SH3GL1: variants seen among roughly 807,000 people sequenced by gnomAD.
The protein encoded by SH3GL1 is SH3 domain containing GRB2 like 1, endophilin A2.
A neutral mutation model predicts 48.8 loss-of-function variants in SH3GL1; 21 were observed. The ratio of observed to expected loss-of-function variants is 0.43; its 90% CI spans 0.30 to 0.62. SH3GL1 has a LOEUF of 0.62. Among genes scored for constraint, SH3GL1 ranks in the 20% least tolerant of loss-of-function variants. The pLI is 0.11. For synonymous variants in SH3GL1, 282 were observed against 217.5 expected (o/e 1.30, Z -2.61); for missense variants, 454 against 503.0 (o/e 0.90, Z 0.93).
intron 1 of SH3GL1, among the ~76,000 whole-genome samples, chr19:4,375,990 A>G (rs1478668143): frequency 6.6e-6 from 1 of 152,192 alleles, no homozygotes; most frequent in Non-Finnish European, 1.5e-5. Flanking sequence ...CAGCTCCTCA[A>G]AAGGAGCTGA....
rs753740716 is a variant in SH3GL1 at position 4,361,233 on chromosome 19, T to A, written c.*367A>T. 2.8e-5 allele frequency: 9 copies of A among 323,664 alleles called. No individual in the cohort carries two copies. In the Admixed American group the frequency reaches 4.2e-4, roughly 15 times the overall value. 20.0% of individuals were successfully genotyped at this position (323,664 alleles called of 1,614,324 possible). On this transcript the variant is annotated 3_prime_UTR_variant, in exon 10 of 10. Coordinates refer to ENST00000269886, the MANE Select transcript of SH3GL1 (RefSeq NM_003025.4). ...GGCAGTGGGCCGGGCCCCCGTCGGG[T>A]CAGGACGGAGGTGGGGGCTGCCCCA...
rs1416371133 is a variant in SH3GL1, at chr19:4,389,013, G to A, written c.45+11311C>T. Among the ~76,000 whole-genome samples, 1 of 152,188 alleles carries A rather than the reference G, an allele frequency of 6.6e-6. No homozygotes were observed. The highest frequency in any genetic ancestry group is 1.5e-5 in the Non-Finnish European group (1 of 68,034). On this transcript the variant is annotated intron_variant, in intron 1 of 9. Coordinates refer to ENST00000269886, the MANE Select transcript of SH3GL1 (RefSeq NM_003025.4). The surrounding 1 kb of genome is among the most constrained non-coding windows in gnomAD (Gnocchi z 4.5). ...ACCTGCCTCCCTGGTGCTGTGACAC[G>A]GCCTGGTCAGATGCCTGGCCAGCGG...
Position 4,397,724 on chromosome 19 carries a change from T to C in SH3GL1, c.45+2600A>G, listed in dbSNP as rs184460571. On this transcript the variant is annotated intron_variant, in intron 1 of 9. Coordinates refer to ENST00000269886, the MANE Select transcript of SH3GL1 (RefSeq NM_003025.4). Reference sequence around the variant, plus strand: ...AAGTGCTGGGGCAAGGGGGTGGGACTGTTCTCAGTGACAACTCTAAAATTC... The same window carrying C: ...AAGTGCTGGGGCAAGGGGGTGGGACCGTTCTCAGTGACAACTCTAAAATTC... Among the ~76,000 whole-genome samples the C allele has an allele frequency of 1.5e-4, 23 of 152,272 alleles. No individual in the cohort carries two copies. In the East Asian group the frequency reaches 2.3e-3, roughly 15 times the overall value.
At chr19:4,365,419 C>T in intron 4 of SH3GL1, 63 bp downstream of exon 4, 7 of 1,605,564 alleles carry the variant, frequency 4.4e-6, no homozygotes, top group Non-Finnish European at 6.0e-6. Flanking sequence ...TGGACCTGCC[C>T]TGCCTGTGTT....
intron 2 of SH3GL1, 37 bp downstream of exon 2, chr19:4,366,889 T>TGCC (rs2144868639): frequency 6.3e-7 from 1 of 1,598,200 alleles, no homozygotes; most frequent in Non-Finnish European, 8.6e-7. Context: ...GCCCCAGCAG[T>TGCC]GCCACCACCA....
At chr19:4,390,322 T>A (rs1003778855) in intron 1 of SH3GL1, 2 of 152,232 alleles carry the variant, frequency 1.3e-5, no homozygotes, top group East Asian at 3.9e-4. Context: ...CAAGCTGCAG[T>A]GCTCAGGAAA....
chr19:4,386,976 G>A (rs1486863391), intron 1 of SH3GL1, among the ~76,000 whole-genome samples: 3 of 152,110 alleles, frequency 2.0e-5, no homozygotes, highest in Non-Finnish European at 4.4e-5. Context: ...TTGCTCTGTC[G>A]CCCAGGCTGG....
At chr19:4,362,950 T>C (rs1292072433) in intron 7 of SH3GL1, among the ~76,000 whole-genome samples, 2 of 152,088 alleles carry the variant, frequency 1.3e-5, no homozygotes, top group Non-Finnish European at 2.9e-5. Context: ...ATCCCAGAGA[T>C]TGCCAAGCAG....
intron 1 of SH3GL1, among the ~76,000 whole-genome samples, chr19:4,379,523 A>C (rs901587478): frequency 2.0e-5 from 3 of 151,762 alleles, no homozygotes; most frequent in Admixed American, 1.3e-4. Flanking sequence ...CCTGACACAC[A>C]CCTGCTGCTG....
rs531240698 is a variant in SH3GL1 at position 4,367,754 on chromosome 19, C to T, written c.46-760G>A. On this transcript the variant is annotated intron_variant, in intron 1 of 9. Coordinates refer to ENST00000269886, the MANE Select transcript of SH3GL1 (RefSeq NM_003025.4). This position sits in a 1 kb window ranked among gnomAD's most constrained non-coding sequence, Gnocchi z 4.2. ...ACTCCCTCTGACAGCGCCTGGGATG[C>T]GAAAAACAGCCCTGAAATGTCCCAT... 6.6e-6 allele frequency among the ~76,000 whole-genome samples: 1 copy of T among 152,206 alleles called. No homozygotes were observed. The highest frequency in any genetic ancestry group is 1.5e-5 in the Non-Finnish European group (1 of 68,036).
In SH3GL1 at chr19:4,363,426, G is replaced by A. The variant is rs1045883551; in HGVS notation, c.672C>T (p.Asp224=). Residue 224 remains aspartate (D), a synonymous_variant, in exon 7 of 10, where the codon GAC becomes GAT. Transcript: ENST00000269886. ...QLSALVDAQL[D]YHRQAVQILD... is the part of the protein sequence containing the mutation. ...GGATCTGCACGGCCTGCCGGTGGTAGTCCAGCTGTGCATCCACCAGGGCCG... is the reference window on the plus strand; with the variant it reads ...GGATCTGCACGGCCTGCCGGTGGTAATCCAGCTGTGCATCCACCAGGGCCG... The A allele has an allele frequency of 1.9e-6, 3 of 1,612,728 alleles. No individual in the cohort carries two copies. The highest frequency in any genetic ancestry group is 2.5e-6 in the Non-Finnish European group (3 of 1,179,674).
At chr19:4,397,895 G>A (rs1179923342) in intron 1 of SH3GL1, among the ~76,000 whole-genome samples, 1 of 152,128 alleles carries the variant, frequency 6.6e-6, no homozygotes, top group Non-Finnish European at 1.5e-5. Context: ...TGCCCAGGCT[G>A]AAGTGCAGTG....
chr19:4,371,835 C>T (rs368853072), intron 1 of SH3GL1, among the ~76,000 whole-genome samples: 20 of 152,342 alleles, frequency 1.3e-4, no homozygotes, highest in Middle Eastern at 3.4e-3. Context: ...GAGCCATCTC[C>T]GCGTCCCTCC....
chr19:4,398,988 G>A (rs1973471379), intron 1 of SH3GL1, among the ~76,000 whole-genome samples: 1 of 152,062 alleles, frequency 6.6e-6, no homozygotes, highest in Admixed American at 6.6e-5. Flanking sequence ...AATAAATTAT[G>A]GTATATGTCA....
intron 1 of SH3GL1, among the ~76,000 whole-genome samples, chr19:4,382,336 C>A (rs1389175120): frequency 1.4e-5 from 2 of 144,874 alleles, no homozygotes; most frequent in Non-Finnish European, 3.0e-5. Flanking sequence ...CGGCTCACTG[C>A]AAGCTCCGCC....
At chr19:4,381,689 CTTTT>C (rs71166991) in intron 1 of SH3GL1, among the ~76,000 whole-genome samples, 1 of 35,148 alleles carries the variant, frequency 2.8e-5, no homozygotes, top group African/African-American at 9.8e-5. Context: ...CCCCACACGC[CTTTT>C]TTTTTTTTTT....
chr19:4,384,939 A>G (rs959546306), intron 1 of SH3GL1, among the ~76,000 whole-genome samples: 1 of 152,078 alleles, frequency 6.6e-6, no homozygotes, highest in Admixed American at 6.5e-5. Context: ...CCTTGTCCCT[A>G]CTAAAAATAT....
chr19:4,362,285 C>A lies in SH3GL1; in HGVS notation c.910+44G>T, dbSNP rs370030379. 1.9e-6 allele frequency: 3 copies of A among 1,590,406 alleles called. No individual in the cohort carries two copies. In the South Asian group the frequency reaches 3.4e-5, roughly 18 times the overall value. On this transcript the variant is annotated intron_variant, in intron 9 of 9. Coordinates refer to ENST00000269886, the MANE Select transcript of SH3GL1 (RefSeq NM_003025.4). ...AGGAGAAACACCCTCCCCGAATGGCCGAGAAGGCAGCACTGAGGTCGAGGC... is the reference window on the plus strand; with the variant it reads ...AGGAGAAACACCCTCCCCGAATGGCAGAGAAGGCAGCACTGAGGTCGAGGC...
At position 4,367,511 on chromosome 19, in the gene SH3GL1, C is replaced by T. The variant is rs1184104003; in HGVS notation, c.46-517G>A. 6.6e-6 allele frequency among the ~76,000 whole-genome samples: 1 copy of T among 152,168 alleles called. No homozygotes were observed. Among genetic ancestry groups the T allele is most frequent in the Non-Finnish European group, 1.5e-5 (1 of 68,026 alleles). On this transcript the variant is annotated intron_variant, in intron 1 of 9. Transcript: ENST00000269886. This position sits in a 1 kb window ranked among gnomAD's most constrained non-coding sequence, Gnocchi z 4.2. ...GGTGCAGGCAGCCGGGCAGGGAGGC[C>T]GCCATTCTCCTGTGCTCTGGTGCCC...
Sources: allele counts gnomAD v4.1 joint callset (sites outside exome capture counted in the v4.1 genomes callset), GRCh38; gene constraint gnomAD v4.1.1; non-coding constraint Gnocchi (gnomAD v3.1); transcripts MANE v1.5; gene names NCBI Gene and HGNC (gene_info 2026-07-23, HGNC 2026-07-21).